The following PCP4L1 variants were observed in gnomAD, a reference collection of about 807,000 sequenced individuals.
PCP4L1 encodes Purkinje cell protein 4 like 1.
Under a neutral mutation model 9.6 loss-of-function variants are expected in PCP4L1, and 9 were observed. That is an observed-to-expected ratio of 0.94 (90% confidence interval 0.57 to 1.64). PCP4L1 has a LOEUF of 1.64. Ranked by LOEUF, PCP4L1 falls within the 40% of genes most tolerant of loss-of-function variation. The pLI, the probability that PCP4L1 is intolerant of heterozygous loss-of-function variation, is 0.00. For missense variants in PCP4L1, 81 were observed against 80.8 expected (o/e 1.00, Z -0.01); for synonymous variants, 31 against 28.2 (o/e 1.10, Z -0.31).
chr1:161,278,452 C>T (rs893007698), intron 1 of PCP4L1, among the ~76,000 whole-genome samples: 8 of 148,436 alleles, frequency 5.4e-5, no homozygotes, highest in Admixed American at 1.4e-4. Flanking sequence ...CTTTTTCTTT[C>T]GAGATGGGGT....
At chr1:161,281,429 C>T (rs1413292039) in intron 1 of PCP4L1, among the ~76,000 whole-genome samples, 2 of 151,496 alleles carry the variant, frequency 1.3e-5, no homozygotes, top group African/African-American at 2.4e-5. Flanking sequence ...CGGGCAGAGG[C>T]GCCCCCACCT....
rs533432793 is a variant in PCP4L1 at position 161,281,631 on chromosome 1, G to A, written c.10-2037G>A. Reference sequence around the variant, plus strand: ...GCTGACCCCCACCTCCCTCCCGGACGGGGTGGCTGCCGGGCAGAGATGCTC... The same window carrying A: ...GCTGACCCCCACCTCCCTCCCGGACAGGGTGGCTGCCGGGCAGAGATGCTC... On this transcript the variant is annotated intron_variant, in intron 1 of 2. Transcript: ENST00000504449. 1.8e-3 allele frequency among the ~76,000 whole-genome samples: 270 copies of A among 151,830 alleles called. 1 individual carries two copies. The highest frequency in any genetic ancestry group is 0.014 in the Middle Eastern group (4 of 288).
At chr1:161,265,199 C>A (rs1444335703) in intron 1 of PCP4L1, among the ~76,000 whole-genome samples, 2 of 152,056 alleles carry the variant, frequency 1.3e-5, no homozygotes, top group African/African-American at 4.8e-5. Context: ...TTCGTTTGGC[C>A]GTTTGACTTC....
chr1:161,275,693 G>T (rs1046174798), intron 1 of PCP4L1, among the ~76,000 whole-genome samples: 4 of 151,926 alleles, frequency 2.6e-5, no homozygotes, highest in Admixed American at 6.6e-5. Context: ...AGGATTTGAA[G>T]TCAGAGATCA....
rs964539885 is a variant in PCP4L1, at chr1:161,285,195, G to A, written c.*714G>A. On this transcript the variant is annotated 3_prime_UTR_variant, in exon 3 of 3. Coordinates refer to ENST00000504449, the MANE Select transcript of PCP4L1 (RefSeq NM_001102566.2). ...TAGGGAGGAAAGAAAAGTGAAGAAG[G>A]GGGAAATCTCTGAATTTTTTTACTG... 4 of 152,370 alleles carry A rather than the reference G, an allele frequency of 2.6e-5. No individual in the cohort carries two copies. Among genetic ancestry groups the A allele is most frequent in the Admixed American group, 1.3e-4 (2 of 15,262 alleles). The allele number at this position is 152,370 out of a possible 1,614,324, so 9.4% of individuals were successfully genotyped here. A position where few individuals can be genotyped will look rare whatever the true frequency, so the allele number is the denominator to read the frequency against.
intron 1 of PCP4L1, among the ~76,000 whole-genome samples, chr1:161,268,160 A>G (rs2102233735): frequency 6.6e-6 from 1 of 152,312 alleles, no homozygotes. Flanking sequence ...TTAAAAAAAG[A>G]GATGTCTCAG....
At position 161,285,132 on chromosome 1, in the gene PCP4L1, G is replaced by T. The variant is rs1373632693; in HGVS notation, c.*651G>T. On this transcript the variant is annotated 3_prime_UTR_variant, in exon 3 of 3. Coordinates refer to ENST00000504449, the MANE Select transcript of PCP4L1 (RefSeq NM_001102566.2). The stretch of plus-strand genomic sequence containing the variant: ...ACCATAACGGGCAGAAGCATAAGAG[G>T]TTCCAGGGCCATAGGAGAATGAGAA... 1 of 152,476 alleles carries T rather than the reference G, an allele frequency of 6.6e-6. No homozygotes were observed. Among genetic ancestry groups the T allele is most frequent in the African/African-American group, 2.4e-5 (1 of 41,444 alleles). The allele number at this position is 152,476 out of a possible 1,614,324, so 9.4% of individuals were successfully genotyped here.
At chr1:161,263,158 T>C (rs1219253886) in intron 1 of PCP4L1, among the ~76,000 whole-genome samples, 1 of 152,236 alleles carries the variant, frequency 6.6e-6, no homozygotes, top group African/African-American at 2.4e-5. Context: ...TACTTCTGAC[T>C]TCTCATTCCA....
chr1:161,284,524 T>G lies in PCP4L1; in HGVS notation c.*43T>G. Reference sequence around the variant, plus strand: ...TCACCTTCACCTTCATGCTGGTCCCTTCTCTCCCCTTCTCCACACCCATGT... The same window carrying G: ...TCACCTTCACCTTCATGCTGGTCCCGTCTCTCCCCTTCTCCACACCCATGT... On this transcript the variant is annotated 3_prime_UTR_variant, in exon 3 of 3. Coordinates refer to ENST00000504449, the MANE Select transcript of PCP4L1 (RefSeq NM_001102566.2). 7 of 1,588,916 alleles carry G rather than the reference T, an allele frequency of 4.4e-6. No homozygotes were observed. Among genetic ancestry groups the G allele is most frequent in the Non-Finnish European group, 6.0e-6 (7 of 1,167,154 alleles).
Position 161,258,808 on chromosome 1 carries a change from G to A in PCP4L1, c.-167G>A. ...GCCGGAGCTGGGCTCCGAGAATCCC[G>A]GGTGCCAGCACCAGAGCAGCGGCTC... On this transcript the variant is annotated 5_prime_UTR_variant, in exon 1 of 3. Transcript: ENST00000504449. 1.1e-5 allele frequency: 12 copies of A among 1,087,286 alleles called. No homozygotes were observed. Among genetic ancestry groups the A allele is most frequent in the Non-Finnish European group, 1.6e-5 (12 of 750,002 alleles). The allele number at this position is 1,087,286 out of a possible 1,614,324, so 67.4% of individuals were successfully genotyped here. A position where few individuals can be genotyped will look rare whatever the true frequency, so the allele number is the denominator to read the frequency against.
At chr1:161,274,284 T>A (rs993609143) in intron 1 of PCP4L1, among the ~76,000 whole-genome samples, 1 of 152,142 alleles carries the variant, frequency 6.6e-6, no homozygotes. Context: ...ATTGTTGTTA[T>A]TTCTGGTCAG....
chr1:161,272,558 CAAA>C (rs551047419), intron 1 of PCP4L1, among the ~76,000 whole-genome samples: 1 of 71,848 alleles, frequency 1.4e-5, no homozygotes. Context: ...AACTCCGTCT[CAAA>C]AAAAAAAAAA....
intron 1 of PCP4L1, among the ~76,000 whole-genome samples, chr1:161,271,406 G>A (rs955600913): frequency 2.6e-5 from 4 of 152,120 alleles, no homozygotes; most frequent in African/African-American, 9.7e-5. Context: ...TTTTATTATA[G>A]AGATTTAAAA....
intron 1 of PCP4L1, among the ~76,000 whole-genome samples, chr1:161,278,343 C>G (rs1182314042): frequency 6.6e-6 from 1 of 152,160 alleles, no homozygotes; most frequent in Non-Finnish European, 1.5e-5. Flanking sequence ...CTTGCTTGTA[C>G]CATTGCAAGA....
chr1:161,268,552 T>G (rs1669572159), intron 1 of PCP4L1, among the ~76,000 whole-genome samples: 2 of 22,860 alleles, frequency 8.7e-5, no homozygotes, highest in East Asian at 6.8e-4. Flanking sequence ...TCCTTTTACC[T>G]TTTTTTTTTT....
intron 1 of PCP4L1, among the ~76,000 whole-genome samples, chr1:161,269,671 A>G (rs748669862): frequency 2.8e-4 from 42 of 152,200 alleles, no homozygotes; most frequent in Non-Finnish European, 5.1e-4. Context: ...TGAGGTAATC[A>G]GAGGCTGAAC....
intron 1 of PCP4L1, among the ~76,000 whole-genome samples, chr1:161,262,705 T>C (rs1056071432): frequency 6.6e-6 from 1 of 152,160 alleles, no homozygotes; most frequent in South Asian, 2.1e-4. Context: ...ATAAGTAATA[T>C]GGCTGAAGTC....
At position 161,276,770 on chromosome 1, in the gene PCP4L1, A is replaced by AT. The variant is rs1558145211; in HGVS notation, c.10-6898_10-6897insT. Among the ~76,000 whole-genome samples, 27 of 145,864 alleles carry AT rather than the reference A, an allele frequency of 1.9e-4. 1 individual carries two copies. The South Asian group carries it at 4.2e-3, about 23-fold the overall frequency. On this transcript the variant is annotated intron_variant, in intron 1 of 2. Coordinates refer to ENST00000504449, the MANE Select transcript of PCP4L1 (RefSeq NM_001102566.2). ...GTGTATATATGTATGTATATATATAAAAAATATACATATAAATATAAACAC... is the reference window on the plus strand; with the variant it reads ...GTGTATATATGTATGTATATATATAATAAAATATACATATAAATATAAACAC...
intron 1 of PCP4L1, among the ~76,000 whole-genome samples, chr1:161,272,639 GGT>G (rs1669642437): frequency 6.6e-6 from 1 of 151,472 alleles, no homozygotes; most frequent in African/African-American, 2.4e-5. Flanking sequence ...CGTCTCTAAT[GGT>G]AGTTGGAAAA....
Sources: allele counts gnomAD v4.1 joint callset (sites outside exome capture counted in the v4.1 genomes callset), GRCh38; gene constraint gnomAD v4.1.1; transcripts MANE v1.5; gene names NCBI Gene and HGNC (gene_info 2026-07-23, HGNC 2026-07-21).